Variants in CD1B observed in about 807,000 individuals in gnomAD.
The protein encoded by CD1B is CD1b molecule, also known as T-cell surface glycoprotein CD1b.
CD1B carries 43 observed loss-of-function variants against 39.8 expected under a neutral mutation model. The observed-to-expected ratio is 1.08, with a 90% CI of 0.85 to 1.39. The LOEUF is 1.39. CD1B is among the 40% of genes most tolerant of loss of function. The pLI, the probability that CD1B is intolerant of heterozygous loss-of-function variation, is 0.00. For synonymous variants in CD1B, 192 were observed against 152.5 expected, an observed-to-expected ratio of 1.26 and a Z score of -1.91; for missense variants, 495 against 403.8, an observed-to-expected ratio of 1.23 and a Z score of -1.94.
the CD1B span, among the ~76,000 whole-genome samples, chr1:158,306,007 G>A: frequency 6.6e-6 from 1 of 152,192 alleles, no homozygotes; most frequent in Non-Finnish European, 1.5e-5. Context: ...TCGAGGCTAG[G>A]AAGAAACTGC....
At chr1:158,305,004 A>T in the CD1B span, among the ~76,000 whole-genome samples, 1 of 152,134 alleles carries the variant, frequency 6.6e-6, no homozygotes, top group East Asian at 1.9e-4. Flanking sequence ...GAGCAGAAAA[A>T]CTGGAAACTC....
At chr1:158,307,478 G>A in the CD1B span, among the ~76,000 whole-genome samples, 1 of 152,164 alleles carries the variant, frequency 6.6e-6, no homozygotes, top group East Asian at 1.9e-4. Context: ...GGACCCAATG[G>A]ATTCACTGCC....
intron 4 of CD1B, 62 bp from the exon 5 acceptor site, chr1:158,329,076 C>T (rs1652474274): frequency 7.3e-7 from 1 of 1,371,912 alleles, no homozygotes; most frequent in Admixed American, 2.0e-5. Flanking sequence ...ATTCCTTGGC[C>T]TTCCTTTGCC....
At chr1:158,319,773 T>C in the CD1B span, among the ~76,000 whole-genome samples, 1 of 152,238 alleles carries the variant, frequency 6.6e-6, no homozygotes, top group East Asian at 1.9e-4. Context: ...TCTGTTCTGT[T>C]TTTTCCCCAT....
chr1:158,304,467 C>T, the CD1B span, among the ~76,000 whole-genome samples: 1,871 of 152,248 alleles, frequency 0.012, 38 homozygotes, highest in African/African-American at 0.04. Flanking sequence ...TAGCCCACCG[C>T]AGCTCAAGGA....
chr1:158,290,501 A>G, the CD1B span, among the ~76,000 whole-genome samples: 66 of 152,302 alleles, frequency 4.3e-4, no homozygotes, highest in African/African-American at 1.5e-3. Flanking sequence ...CAGTTGAGGA[A>G]GGGAAGTAGA....
chr1:158,316,656 T>A, the CD1B span, among the ~76,000 whole-genome samples: 1 of 150,898 alleles, frequency 6.6e-6, no homozygotes, highest in South Asian at 2.1e-4. Flanking sequence ...TATTTCCTTC[T>A]CCTGCCTAAT....
At chr1:158,313,261 G>T in the CD1B span, among the ~76,000 whole-genome samples, 10 of 152,180 alleles carry the variant, frequency 6.6e-5, no homozygotes, top group East Asian at 1.9e-3. Flanking sequence ...GCATTTTCTT[G>T]AGGATTTTTG....
downstream of CD1B, among the ~76,000 whole-genome samples, chr1:158,325,288 T>C (rs1436967615): frequency 6.6e-6 from 1 of 152,148 alleles, no homozygotes; most frequent in Non-Finnish European, 1.5e-5. Context: ...TACTACCAGG[T>C]TAAATTTTTA....
chr1:158,289,921 G>A, the CD1B span: 2 of 667,386 alleles, frequency 3.0e-6, no homozygotes, highest in African/African-American at 3.6e-5. Context: ...GTTGAGGGAA[G>A]CAGATCTTCT....
the CD1B span, among the ~76,000 whole-genome samples, chr1:158,307,579 T>C: frequency 6.6e-6 from 1 of 152,286 alleles, no homozygotes; most frequent in Admixed American, 6.5e-5. Context: ...ACCTAACTCA[T>C]TTTATGAGGC....
the CD1B span, among the ~76,000 whole-genome samples, chr1:158,315,761 G>C: frequency 1.3e-5 from 2 of 152,118 alleles, no homozygotes; most frequent in East Asian, 1.9e-4. Flanking sequence ...GTATTGCCTA[G>C]GTTTTCTTGT....
At chr1:158,318,728 T>C in the CD1B span, among the ~76,000 whole-genome samples, 3 of 152,128 alleles carry the variant, frequency 2.0e-5, no homozygotes, top group Non-Finnish European at 4.4e-5. Context: ...GGTTATTTTG[T>C]TCATTAGTTG....
intron 4 of CD1B, 127 bp downstream of exon 4, chr1:158,329,243 G>A: frequency 8.0e-7 from 1 of 1,245,508 alleles, no homozygotes; most frequent in Non-Finnish European, 1.1e-6. Context: ...TGGGATTGGG[G>A]TCAGGGAAAT....
At chr1:158,307,219 A>G in the CD1B span, among the ~76,000 whole-genome samples, 2 of 152,220 alleles carry the variant, frequency 1.3e-5, no homozygotes, top group African/African-American at 4.8e-5. Context: ...GCAGAATCAA[A>G]TAGACGCAAT....
chr1:158,293,686 C>T, the CD1B span: 7 of 1,181,604 alleles, frequency 5.9e-6, no homozygotes, highest in African/African-American at 1.5e-5. Flanking sequence ...AAGCCCATTT[C>T]TGATGTCATT....
the CD1B span, among the ~76,000 whole-genome samples, chr1:158,317,783 T>G: frequency 6.6e-6 from 1 of 152,260 alleles, no homozygotes; most frequent in Admixed American, 6.5e-5. Flanking sequence ...GTTTCCTGCT[T>G]TCTCTTGTGG....
At chr1:158,300,781 C>G in the CD1B span, among the ~76,000 whole-genome samples, 1 of 134,042 alleles carries the variant, frequency 7.5e-6, no homozygotes, top group East Asian at 2.2e-4. Flanking sequence ...TTTTTTGAGA[C>G]AGAGTCTCAC....
chr1:158,329,685 AACTCGAGTT>A (rs1557821717), intron 3 of CD1B, 37 bp from the exon 4 acceptor site: 3 of 1,604,452 alleles, frequency 1.9e-6, no homozygotes, highest in Non-Finnish European at 2.6e-6. Context: ...GTCATGTTAT[AACTCGAGTT>A]CAGAGGTTAT....
Sources: allele counts gnomAD v4.1 joint callset (sites outside exome capture counted in the v4.1 genomes callset), GRCh38; gene constraint gnomAD v4.1.1; transcripts MANE v1.5; gene names NCBI Gene and HGNC (gene_info 2026-07-23, HGNC 2026-07-21).